The following FOCAD variants were observed in gnomAD, a reference collection of about 807,000 sequenced individuals.
FOCAD encodes the protein focadhesin, also known as KIAA1797.
FOCAD carries 198 observed loss-of-function variants against 225.6 expected under a neutral mutation model. The ratio of observed to expected loss-of-function variants is 0.88; its 90% CI spans 0.78 to 0.99. The LOEUF (loss-of-function observed/expected upper bound fraction) is 0.99, where lower values mean the gene tolerates loss of function less well. Ranked by LOEUF, FOCAD falls within the 50% of genes least tolerant of loss-of-function variation. The probability of loss-of-function intolerance (pLI) is 0.00; values close to 1 mark genes in which losing one functional copy is unlikely to be tolerated. For synonymous variants in FOCAD, 897 were observed against 755.0 expected, an observed-to-expected ratio of 1.19 and a Z score of -3.08; for missense variants, 2,713 against 2,123.6, an observed-to-expected ratio of 1.28 and a Z score of -5.46.
intron 15 of FOCAD, among the ~76,000 whole-genome samples, chr9:20,836,357 C>A (rs961950318): frequency 3.9e-5 from 6 of 152,042 alleles, no homozygotes; most frequent in Non-Finnish European, 7.4e-5. Flanking sequence ...ACTCTGGAAC[C>A]TCTTTTGTTG....
rs192795950 is a variant in FOCAD, at chr9:20,882,513, C to A, written c.2503+457C>A. ...TCTTCTGATGCTTAGGAAACAAAGACGAGCTAGGAGAATGGGCTTGAAAAA... is the reference window on the plus strand; with the variant it reads ...TCTTCTGATGCTTAGGAAACAAAGAAGAGCTAGGAGAATGGGCTTGAAAAA... On this transcript the variant is annotated intron_variant, in intron 20 of 43. Transcript: ENST00000338382. 1.4e-3 allele frequency among the ~76,000 whole-genome samples: 216 copies of A among 152,220 alleles called. 4 individuals are homozygous for A. The highest frequency in any genetic ancestry group is 2.0e-3 in the Non-Finnish European group (139 of 68,010).
intron 22 of FOCAD, among the ~76,000 whole-genome samples, chr9:20,909,899 C>T (rs1396473696): frequency 6.6e-6 from 1 of 152,074 alleles, no homozygotes; most frequent in Middle Eastern, 3.2e-3. Flanking sequence ...TTACTTCCAT[C>T]TGGTGCTAGA....
intron 5 of FOCAD, among the ~76,000 whole-genome samples, chr9:20,749,616 A>G (rs1273832491): frequency 6.6e-6 from 1 of 152,192 alleles, no homozygotes; most frequent in Non-Finnish European, 1.5e-5. Flanking sequence ...TATTTGATGT[A>G]GTAAGTGCTA....
At chr9:20,803,397 G>A (rs1262146845) in intron 11 of FOCAD, among the ~76,000 whole-genome samples, 2 of 152,146 alleles carry the variant, frequency 1.3e-5, no homozygotes, top group African/African-American at 2.4e-5. Flanking sequence ...CAGTGAATTG[G>A]TGACTCCCTG....
chr9:20,768,060 C>T (rs1271634741), intron 7 of FOCAD, among the ~76,000 whole-genome samples: 2 of 150,370 alleles, frequency 1.3e-5, no homozygotes, highest in East Asian at 2.0e-4. Flanking sequence ...CCAGTTTTCC[C>T]AGCACCATTT....
chr9:20,878,766 C>G (rs1008464839), intron 19 of FOCAD, among the ~76,000 whole-genome samples: 1 of 152,132 alleles, frequency 6.6e-6, no homozygotes, highest in African/African-American at 2.4e-5. Flanking sequence ...GACTGGGATT[C>G]TGGTAGTGTG....
chr9:20,844,310 G>A lies in FOCAD; in HGVS notation c.1921-18268G>A, dbSNP rs979508784. Among the ~76,000 whole-genome samples the A allele has an allele frequency of 3.5e-5, 5 of 141,962 alleles. No individual in the cohort carries two copies. The East Asian group carries it at 1.1e-3, about 30-fold the overall frequency. 93.1% of individuals were successfully genotyped at this position (141,962 alleles called of 152,430 possible). ...CTTTTAGATGTTAGAGCTGTAATGA[G>A]ATAAAGGGCAGACATGGTTCTAACC... On this transcript the variant is annotated intron_variant, in intron 15 of 43. Transcript: ENST00000338382.
intron 11 of FOCAD, among the ~76,000 whole-genome samples, chr9:20,814,429 C>G (rs962086924): frequency 4.0e-5 from 6 of 151,650 alleles, no homozygotes; most frequent in Admixed American, 2.6e-4. Flanking sequence ...GATCTTGGCT[C>G]ACTGGAACTT....
intron 8 of FOCAD, among the ~76,000 whole-genome samples, chr9:20,776,964 A>C (rs1047288988): frequency 6.6e-6 from 1 of 152,222 alleles, no homozygotes; most frequent in African/African-American, 2.4e-5. Context: ...ATTATCCTCA[A>C]ATAGATAAGA....
At chr9:20,674,885 A>G (rs1310981228) in intron 2 of FOCAD, among the ~76,000 whole-genome samples, 3 of 152,204 alleles carry the variant, frequency 2.0e-5, no homozygotes, top group African/African-American at 7.2e-5. Flanking sequence ...ATTTCCCCCC[A>G]ATACCTACTT....
chr9:20,730,912 G>GA (rs950708606), intron 4 of FOCAD, among the ~76,000 whole-genome samples: 20 of 150,406 alleles, frequency 1.3e-4, no homozygotes, highest in South Asian at 2.1e-4. Flanking sequence ...TAAGTTAAAT[G>GA]AAAAAAAAAC....
chr9:20,967,442 T>C (rs1325448474), intron 35 of FOCAD, among the ~76,000 whole-genome samples: 1 of 152,178 alleles, frequency 6.6e-6, no homozygotes, highest in African/African-American at 2.4e-5. Flanking sequence ...TTTCTCTATA[T>C]AGGATCATAT....
At chr9:20,766,043 T>C (rs945058649) in intron 7 of FOCAD, among the ~76,000 whole-genome samples, 3 of 152,214 alleles carry the variant, frequency 2.0e-5, no homozygotes, top group African/African-American at 7.2e-5. Context: ...TCCAAAGCTT[T>C]TGTTTTGTGT....
chr9:20,732,090 C>T (rs1338334441), intron 4 of FOCAD, among the ~76,000 whole-genome samples: 1 of 152,146 alleles, frequency 6.6e-6, no homozygotes, highest in African/African-American at 2.4e-5. Flanking sequence ...ACTCTTTTCC[C>T]TAATGCTCTC....
intron 21 of FOCAD, among the ~76,000 whole-genome samples, chr9:20,898,432 C>G (rs1832286000): frequency 1.3e-5 from 2 of 151,494 alleles, no homozygotes; most frequent in Non-Finnish European, 2.9e-5. Flanking sequence ...ATTCTTTTTC[C>G]TCTTCGCTTT....
chr9:20,727,273 A>G (rs1273986095), intron 4 of FOCAD, among the ~76,000 whole-genome samples: 3 of 152,024 alleles, frequency 2.0e-5, no homozygotes, highest in Non-Finnish European at 4.4e-5. Context: ...GATCTAGCAC[A>G]TTCTGCCCTA....
intron 18 of FOCAD, chr9:20,872,755 A>G (rs1277824053): frequency 6.6e-6 from 1 of 152,122 alleles, no homozygotes; most frequent in Non-Finnish European, 1.5e-5. Context: ...CAGAGCAACC[A>G]CAATCTAATT....
intron 8 of FOCAD, among the ~76,000 whole-genome samples, chr9:20,778,401 TG>T (rs1473838557): frequency 6.6e-6 from 1 of 152,082 alleles, no homozygotes; most frequent in Non-Finnish European, 1.5e-5. Flanking sequence ...TGTATTTTTT[TG>T]ATAGAGACGG....
rs754929282 is a variant in FOCAD, at chr9:20,874,700, T to C, written c.2210T>C (p.Ile737Thr). ...LPEKIRPEIP[I>T]PEELDDDEDV... is the part of the protein sequence containing the mutation. Reference sequence around the variant, plus strand: ...TTTCAGATAAGACCAGAAATTCCCATTCCTGAAGAGTTAGATGACGATGAA... The same window carrying C: ...TTTCAGATAAGACCAGAAATTCCCACTCCTGAAGAGTTAGATGACGATGAA... Residue 737 changes from isoleucine to threonine, a missense_variant, in exon 19 of 44, where the codon ATT becomes ACT. Transcript: ENST00000338382. 3 of 1,613,540 alleles carry C rather than the reference T, an allele frequency of 1.9e-6. No individual in the cohort carries two copies. The highest frequency in any genetic ancestry group is 1.1e-5 in the South Asian group (1 of 91,060).
Sources: gnomAD v4.1 joint callset for allele counts (sites outside exome capture counted in the v4.1 genomes callset) on GRCh38, gnomAD v4.1.1 for gene constraint, MANE v1.5 for transcripts, NCBI Gene and HGNC (gene_info 2026-07-23, HGNC 2026-07-21) for gene names.